SUMF1: variants seen among roughly 807,000 people sequenced by gnomAD.
SUMF1 encodes the protein sulfatase modifying factor 1.
In SUMF1, 48 loss-of-function variants were observed where a neutral mutation model predicts 47.6. The ratio of observed to expected loss-of-function variants is 1.01; its 90% CI spans 0.80 to 1.28. The LOEUF (loss-of-function observed/expected upper bound fraction) is 1.28, where lower values mean the gene tolerates loss of function less well. SUMF1 is among the 50% of genes most tolerant of loss of function. The probability of loss-of-function intolerance (pLI) is 0.00; values close to 1 mark genes in which losing one functional copy is unlikely to be tolerated. For missense variants in SUMF1, 571 were observed against 485.4 expected, an observed-to-expected ratio of 1.18 and a Z score of -1.66; for synonymous variants, 230 against 192.1, an observed-to-expected ratio of 1.20 and a Z score of -1.63.
intron 8 of SUMF1, among the ~76,000 whole-genome samples, chr3:4,252,349 T>TGC (rs756654603): frequency 0.01 from 1,297 of 125,182 alleles, 10 homozygotes; most frequent in African/African-American, 0.03. Flanking sequence ...AATACACACA[T>TGC]GCGCACACAC....
chr3:4,433,595 G>A (rs929597378), intron 3 of SUMF1, among the ~76,000 whole-genome samples: 6 of 152,208 alleles, frequency 3.9e-5, no homozygotes, highest in African/African-American at 1.4e-4. Flanking sequence ...TCACCCTGTT[G>A]ACGGGGCCAG....
intron 8 of SUMF1, among the ~76,000 whole-genome samples, chr3:4,151,433 G>C (rs1352792182): frequency 6.9e-6 from 1 of 144,702 alleles, no homozygotes; most frequent in African/African-American, 2.6e-5. Flanking sequence ...GTATACATGT[G>C]TATATATGTA....
intron 8 of SUMF1, among the ~76,000 whole-genome samples, chr3:4,338,164 G>A (rs548024079): frequency 6.6e-6 from 1 of 152,228 alleles, no homozygotes; most frequent in African/African-American, 2.4e-5. Flanking sequence ...ACTCAGGAAG[G>A]TGAAGCAGGC....
chr3:4,337,196 TCCCTCC>T (rs1699170851), intron 8 of SUMF1, among the ~76,000 whole-genome samples: 2 of 100,416 alleles, frequency 2.0e-5, no homozygotes, highest in African/African-American at 7.2e-5. Context: ...CCTCCCTCCC[TCCCTCC>T]CTCCCTCCTT....
intron 8 of SUMF1, among the ~76,000 whole-genome samples, chr3:4,238,052 T>C (rs1197980974): frequency 6.6e-6 from 1 of 152,136 alleles, no homozygotes. Context: ...GTTCCTGTGT[T>C]AGTTTGCTGA....
At chr3:4,372,346 G>C (rs1298237061) in intron 8 of SUMF1, among the ~76,000 whole-genome samples, 2 of 152,132 alleles carry the variant, frequency 1.3e-5, no homozygotes, top group African/African-American at 4.8e-5. Flanking sequence ...GTTGGCCCAT[G>C]ATCAAAAATA....
intron 2 of SUMF1, among the ~76,000 whole-genome samples, chr3:4,452,490 T>C (rs1703007663): frequency 6.6e-6 from 1 of 152,244 alleles, no homozygotes; most frequent in Non-Finnish European, 1.5e-5. Flanking sequence ...AGAAAAGTGG[T>C]CTTACTTTAC....
intron 8 of SUMF1, among the ~76,000 whole-genome samples, chr3:4,175,062 C>T (rs1262845465): frequency 5.9e-5 from 9 of 152,216 alleles, no homozygotes. Flanking sequence ...CACCACAGCT[C>T]AACAAGGCCT....
At chr3:4,302,507 C>G (rs1343760422) in intron 8 of SUMF1, among the ~76,000 whole-genome samples, 1 of 152,002 alleles carries the variant, frequency 6.6e-6, no homozygotes, top group Non-Finnish European at 1.5e-5. Context: ...TGTTTCTTAT[C>G]AGACTTAAGG....
At chr3:4,368,880 C>G (rs549082510) in intron 8 of SUMF1, among the ~76,000 whole-genome samples, 4 of 152,246 alleles carry the variant, frequency 2.6e-5, no homozygotes, top group East Asian at 1.9e-4. Flanking sequence ...TAAAAATAAA[C>G]TAGTCATCCT....
intron 8 of SUMF1, chr3:4,316,082 C>A: frequency 2.1e-6 from 1 of 479,334 alleles, no homozygotes; most frequent in Non-Finnish European, 3.7e-6. Context: ...ACAGTTTTTG[C>A]ATTGTTGGAA....
chr3:4,412,880 T>A (rs955853850), intron 6 of SUMF1, among the ~76,000 whole-genome samples: 5 of 151,974 alleles, frequency 3.3e-5, no homozygotes, highest in Non-Finnish European at 4.4e-5. Context: ...CACAGCGAGA[T>A]TACGTCTCAA....
chr3:4,133,761 G>T (rs930192440), intron 8 of SUMF1, among the ~76,000 whole-genome samples: 1 of 151,926 alleles, frequency 6.6e-6, no homozygotes, highest in South Asian at 2.1e-4. Flanking sequence ...GCCTATTGTA[G>T]GACCTTCTGA....
chr3:4,164,938 G>A (rs1041163233), intron 8 of SUMF1, among the ~76,000 whole-genome samples: 21 of 152,198 alleles, frequency 1.4e-4, no homozygotes, highest in Admixed American at 3.9e-4. Context: ...CTAAGTTATC[G>A]CGGACATCAT....
At chr3:4,355,383 T>C (rs372857408) in intron 8 of SUMF1, among the ~76,000 whole-genome samples, 4 of 152,148 alleles carry the variant, frequency 2.6e-5, no homozygotes, top group East Asian at 3.9e-4. Flanking sequence ...AAGACAGTGA[T>C]TGAAGAGATT....
intron 8 of SUMF1, among the ~76,000 whole-genome samples, chr3:4,119,713 AACACACACAC>A: frequency 6.7e-6 from 1 of 149,120 alleles, no homozygotes; most frequent in South Asian, 2.1e-4. Flanking sequence ...CACATACACA[AACACACACAC>A]ACACACACAC....
At position 4,217,843 on chromosome 3, in the gene SUMF1, G is replaced by C. The variant is rs1475490326; in HGVS notation, c.1015-149098C>G. ...AGGGAAAAAATTAAGTTGTATACCA[G>C]CTGAGAAACAATTTGCAGGAGAAAC... On this transcript the variant is annotated intron_variant and NMD_transcript_variant, in intron 8 of 12. Coordinates refer to the SUMF1 transcript ENST00000448413. Among the ~76,000 whole-genome samples the C allele has an allele frequency of 2.7e-5, 4 of 148,588 alleles. No homozygotes were observed. The South Asian group carries it at 8.7e-4, about 32-fold the overall frequency.
chr3:4,180,207 G>A (rs999134866), intron 8 of SUMF1, among the ~76,000 whole-genome samples: 21 of 152,096 alleles, frequency 1.4e-4, no homozygotes, highest in Middle Eastern at 3.2e-3. Context: ...CATACCCAAA[G>A]GATTATAAAT....
intron 8 of SUMF1, among the ~76,000 whole-genome samples, chr3:4,302,420 A>C (rs138602471): frequency 6.6e-6 from 1 of 152,180 alleles, no homozygotes; most frequent in South Asian, 2.1e-4. Flanking sequence ...CTGGGTTGCA[A>C]TAAGAGGTTG....
Sources: gnomAD v4.1 joint callset for allele counts (sites outside exome capture counted in the v4.1 genomes callset) on GRCh38, gnomAD v4.1.1 for gene constraint, MANE v1.5 for transcripts, NCBI Gene and HGNC (gene_info 2026-07-23, HGNC 2026-07-21) for gene names.